Variants in MBNL2 observed in about 807,000 individuals in gnomAD.
MBNL2 encodes the protein muscleblind like splicing regulator 2, also known as muscleblind-like protein 2.
In MBNL2, 17 loss-of-function variants were observed where a neutral mutation model predicts 41.9. The observed-to-expected ratio is 0.41, with a 90% CI of 0.28 to 0.61. The LOEUF is 0.61. Among genes scored for constraint, MBNL2 ranks in the 20% least tolerant of loss-of-function variants. The pLI, the probability that MBNL2 is intolerant of heterozygous loss-of-function variation, is 0.35. For synonymous variants in MBNL2, 195 were observed against 182.9 expected (o/e 1.07, Z -0.53); for missense variants, 336 against 505.6 (o/e 0.66, Z 3.22).
At chr13:97,143,414 C>T in the MBNL2 span, among the ~76,000 whole-genome samples, 1 of 152,214 alleles carries the variant, frequency 6.6e-6, no homozygotes, top group Admixed American at 6.5e-5. Context: ...ATTCCCCAAA[C>T]CCCTGTGCCG....
At position 97,362,627 on chromosome 13, in the gene MBNL2, C is replaced by T. The variant is rs368363335; in HGVS notation, c.1013-2509C>T. 7.2e-5 allele frequency among the ~76,000 whole-genome samples: 11 copies of T among 152,230 alleles called. No homozygotes were observed. The East Asian group carries it at 9.7e-4, about 13-fold the overall frequency. ...GGAGGTAGTCAGAGACTAGACCACA[C>T]GGGACCTTTATCCTAAAAGCAATGA... On this transcript the variant is annotated intron_variant, in intron 7 of 8. Coordinates refer to ENST00000679496, the MANE Select transcript of MBNL2 (RefSeq NM_001382683.1).
At chr13:97,202,951 G>T in the MBNL2 span, among the ~76,000 whole-genome samples, 5 of 152,160 alleles carry the variant, frequency 3.3e-5, no homozygotes, top group Admixed American at 2.6e-4. Flanking sequence ...ATTGCTCAGT[G>T]TTGACTCCCC....
the MBNL2 span, among the ~76,000 whole-genome samples, chr13:97,194,324 C>A: frequency 2.6e-5 from 4 of 152,224 alleles, no homozygotes; most frequent in Non-Finnish European, 5.9e-5. Flanking sequence ...GTACCTGGTA[C>A]ATAGGTGGGC....
the MBNL2 span, among the ~76,000 whole-genome samples, chr13:97,183,299 T>G: frequency 5.3e-5 from 8 of 152,208 alleles, no homozygotes; most frequent in African/African-American, 1.9e-4. Flanking sequence ...AAATTCTATC[T>G]TTCATAGTAG....
intron 1 of MBNL2, among the ~76,000 whole-genome samples, chr13:97,243,442 G>T (rs1286346448): frequency 6.6e-6 from 1 of 152,182 alleles, no homozygotes; most frequent in East Asian, 1.9e-4. Context: ...TAAATGGAAA[G>T]GGGGCACAAG....
chr13:97,201,614 T>C, the MBNL2 span, among the ~76,000 whole-genome samples: 1 of 152,218 alleles, frequency 6.6e-6, no homozygotes. Context: ...TATCTATTCA[T>C]TATAATTTTT....
At chr13:97,281,326 G>A (rs2152942786) in intron 2 of MBNL2, among the ~76,000 whole-genome samples, 1 of 152,286 alleles carries the variant, frequency 6.6e-6, no homozygotes, top group Admixed American at 6.5e-5. Flanking sequence ...CCTGGTGTCA[G>A]TATCTCAGTA....
At position 97,227,988 on chromosome 13, in the gene MBNL2, G is replaced by T. The variant is rs528955281; in HGVS notation, c.-605+5457G>T. On this transcript the variant is annotated intron_variant, in intron 1 of 8. Coordinates refer to ENST00000679496, the MANE Select transcript of MBNL2 (RefSeq NM_001382683.1). ...GTCTGCAGATCTGGGAAAAACCAAAGTCTACAAGGAGACCAAAATTCAAAG... is the reference window on the plus strand; with the variant it reads ...GTCTGCAGATCTGGGAAAAACCAAATTCTACAAGGAGACCAAAATTCAAAG... 1.2e-3 allele frequency among the ~76,000 whole-genome samples: 181 copies of T among 152,270 alleles called. 1 individual carries two copies. In the South Asian group the frequency reaches 0.019, roughly 16 times the overall value.
chr13:97,208,182 A>G, the MBNL2 span, among the ~76,000 whole-genome samples: 4 of 152,234 alleles, frequency 2.6e-5, no homozygotes, highest in Non-Finnish European at 5.9e-5. Flanking sequence ...TAATATGCTC[A>G]TGTGCAATGT....
intron 1 of MBNL2, among the ~76,000 whole-genome samples, chr13:97,266,795 A>G (rs1300884669): frequency 6.6e-6 from 1 of 152,176 alleles, no homozygotes; most frequent in Non-Finnish European, 1.5e-5. Flanking sequence ...TAGGAGAGTC[A>G]AGGAGACAAG....
chr13:97,348,417 A>T (rs2062101735), intron 5 of MBNL2, among the ~76,000 whole-genome samples: 1 of 152,006 alleles, frequency 6.6e-6, no homozygotes, highest in South Asian at 2.1e-4. Flanking sequence ...AAGCTTGAGA[A>T]CTTCTGCATT....
chr13:97,226,468 A>T (rs573141596), intron 1 of MBNL2, among the ~76,000 whole-genome samples: 1 of 152,322 alleles, frequency 6.6e-6, no homozygotes, highest in Non-Finnish European at 1.5e-5. Context: ...AACCCAACTC[A>T]GTAACCTAAT....
the MBNL2 span, among the ~76,000 whole-genome samples, chr13:97,192,728 A>G: frequency 6.6e-6 from 1 of 152,242 alleles, no homozygotes; most frequent in Non-Finnish European, 1.5e-5. Flanking sequence ...GGGTGGGCCC[A>G]GGAACCTGTG....
At chr13:97,299,731 CAA>C (rs1301646892) in intron 2 of MBNL2, among the ~76,000 whole-genome samples, 1 of 151,872 alleles carries the variant, frequency 6.6e-6, no homozygotes, top group African/African-American at 2.4e-5. Context: ...AAAAAATCTT[CAA>C]AACGTATTAC....
upstream of MBNL2, among the ~76,000 whole-genome samples, chr13:97,219,136 T>C (rs2040654852): frequency 6.6e-6 from 1 of 152,150 alleles, no homozygotes; most frequent in African/African-American, 2.4e-5. Context: ...CCAAGAACTA[T>C]GGAGATGGGA....
chr13:97,267,441 C>A (rs1464275383), intron 1 of MBNL2, among the ~76,000 whole-genome samples: 1 of 152,168 alleles, frequency 6.6e-6, no homozygotes, highest in South Asian at 2.1e-4. Flanking sequence ...TACTACAGAA[C>A]CTCGTTTCTT....
chr13:97,217,433 G>A (rs1046504615), upstream of MBNL2, among the ~76,000 whole-genome samples: 1 of 152,140 alleles, frequency 6.6e-6, no homozygotes, highest in Non-Finnish European at 1.5e-5. Flanking sequence ...CAATTGCTAC[G>A]ATGAATAAAA....
At chr13:97,167,485 A>G in the MBNL2 span, among the ~76,000 whole-genome samples, 1 of 152,188 alleles carries the variant, frequency 6.6e-6, no homozygotes, top group Non-Finnish European at 1.5e-5. Context: ...GATAAAGCGC[A>G]GGCAAAGAAA....
chr13:97,217,072 T>C (rs1484048510), upstream of MBNL2, among the ~76,000 whole-genome samples: 1 of 148,434 alleles, frequency 6.7e-6, no homozygotes, highest in Non-Finnish European at 1.5e-5. Flanking sequence ...TATACACATA[T>C]GTGTTGTATA....
Sources: gnomAD v4.1 joint callset for allele counts (sites outside exome capture counted in the v4.1 genomes callset) on GRCh38, gnomAD v4.1.1 for gene constraint, MANE v1.5 for transcripts, NCBI Gene and HGNC (gene_info 2026-07-23, HGNC 2026-07-21) for gene names.